The following ZFYVE28 variants were observed in gnomAD, a reference collection of about 807,000 sequenced individuals.
ZFYVE28 encodes the protein zinc finger FYVE-type containing 28.
A neutral mutation model predicts 82.1 loss-of-function variants in ZFYVE28; 40 were observed. That is an observed-to-expected ratio of 0.49 (90% CI 0.38 to 0.63). The LOEUF (loss-of-function observed/expected upper bound fraction) is 0.63, where lower values mean the gene tolerates loss of function less well. ZFYVE28 is among the 30% of genes least tolerant of loss of function. The pLI is 0.00. For synonymous variants in ZFYVE28, 612 were observed against 546.1 expected (o/e 1.12, Z -1.68); for missense variants, 1,321 against 1,242.1 (o/e 1.06, Z -0.96).
At chr4:2,352,057 C>T (rs1411119352) in intron 2 of ZFYVE28, among the ~76,000 whole-genome samples, 1 of 152,198 alleles carries the variant, frequency 6.6e-6, no homozygotes, top group Non-Finnish European at 1.5e-5. Context: ...GGAACTTGCA[C>T]AGCCCTCCAT....
chr4:2,404,857 C>CT (rs11404626), intron 1 of ZFYVE28, among the ~76,000 whole-genome samples: 69,661 of 109,954 alleles, frequency 0.63, 22,892 homozygotes, highest in East Asian at 0.83. Context: ...CAGTCTCGCT[C>CT]TTTTTTTTTT....
Position 2,335,568 on chromosome 4 carries a change from C to T in ZFYVE28, c.701+137G>A. The T allele has an allele frequency of 1.3e-6, 1 of 766,570 alleles. No individual in the cohort carries two copies. The highest frequency in any genetic ancestry group is 2.1e-6 in the Non-Finnish European group (1 of 467,560). 47.5% of individuals were successfully genotyped at this position (766,570 alleles called of 1,614,324 possible). A position where few individuals can be genotyped will look rare whatever the true frequency, so the allele number is the denominator to read the frequency against. ...TGCTGAGGGCTGACAGCAGGCCTGC[C>T]TGTCACTGATCGGGACAGCTGAGCG... On this transcript the variant is annotated intron_variant, in intron 6 of 12. Transcript: ENST00000290974. The surrounding 1 kb of genome is among the most constrained non-coding windows in gnomAD (Gnocchi z 5.8).
chr4:2,303,126 C>T (rs1035699997), intron 8 of ZFYVE28, among the ~76,000 whole-genome samples: 2 of 152,110 alleles, frequency 1.3e-5, no homozygotes, highest in Admixed American at 1.3e-4. Flanking sequence ...CCCAGCCCAC[C>T]CAGCCCGCAG....
Position 2,272,368 on chromosome 4 carries a change from G to A in ZFYVE28, c.2324-589C>T, listed in dbSNP as rs140475399. Among the ~76,000 whole-genome samples, 3 of 152,306 alleles carry A rather than the reference G, an allele frequency of 2.0e-5. No homozygotes were observed. The East Asian group carries it at 5.8e-4, about 29-fold the overall frequency. On this transcript the variant is annotated intron_variant, in intron 10 of 12. Coordinates refer to ENST00000290974, the MANE Select transcript of ZFYVE28 (RefSeq NM_020972.3). The stretch of plus-strand genomic sequence containing the variant: ...GAACAAGTGCCTCAGCTCAGCACCA[G>A]AGCACCAGGGGTGGCGAGTAGGGGC...
rs1426343631 is a variant in ZFYVE28 at position 2,354,067 on chromosome 4, C to T, written c.46G>A (p.Asp16Asn). Residue 16 changes from aspartate (D) to asparagine (N), a missense_variant, in exon 2 of 13, where the codon GAT becomes AAT. Transcript: ENST00000290974. ...RKWLYKPKRSDPQLLARFYYA... is the reference protein window; with the variant it reads ...RKWLYKPKRSNPQLLARFYYA... ...TAGAACCGGGCAAGCAGCTGCGGAT[C>T]CGACCTCTGCAGGAGAGAGGGGCCA... The T allele has an allele frequency of 6.4e-7, 1 of 1,559,616 alleles. No individual in the cohort carries two copies. Among genetic ancestry groups the T allele is most frequent in the Non-Finnish European group, 8.7e-7 (1 of 1,152,470 alleles).
chr4:2,285,254 C>G (rs1185762491), intron 8 of ZFYVE28: 1 of 152,296 alleles, frequency 6.6e-6, no homozygotes, highest in East Asian at 1.9e-4. Flanking sequence ...CCTTATGGCC[C>G]CAGAAGGAAC....
Position 2,354,001 on chromosome 4 carries a change from C to A in ZFYVE28, c.112G>T (p.Asp38Tyr), listed in dbSNP as rs961784345. 6.3e-7 allele frequency: 1 copy of A among 1,584,162 alleles called. No homozygotes were observed. Among genetic ancestry groups the A allele is most frequent in the African/African-American group, 1.4e-5 (1 of 73,586 alleles). The change falls in exon 2 of 13, where the codon GAC becomes TAC. Residue 38 changes from aspartate (D) to tyrosine (Y), a missense_variant. Physicochemically the swap from Asp to Tyr is radical, Grantham distance 160. Around this residue, in one of 2 missense-constraint regions of ZFYVE28, gnomAD observed 343 missense variants for 408.4 expected, o/e 0.84. Transcript: ENST00000290974. Reference protein sequence around the residue: ...EELNQVAAELDSLDGRKDPQR... With the variant: ...EELNQVAAELYSLDGRKDPQR... ...GGGTCCTTCCGCCCATCCAGGCTGT[C>A]CAGCTCCGCGGCCACCTGGTTCAGC...
At position 2,332,996 on chromosome 4, in the gene ZFYVE28, GC is replaced by G. The variant is rs533709275; in HGVS notation, c.701+2708del. On this transcript the variant is annotated intron_variant, in intron 6 of 12. Transcript: ENST00000290974. The surrounding 1 kb of genome is among the most constrained non-coding windows in gnomAD (Gnocchi z 4.7). ...TGGCTTTGGGCTCTTATGCCCTCTC[GC>G]CCTTCCTCCCTCCTTCAATCCAAGC... Among the ~76,000 whole-genome samples the G allele has an allele frequency of 1.6e-4, 25 of 151,952 alleles. 1 individual carries two copies. In the South Asian group the frequency reaches 4.8e-3, roughly 29 times the overall value.
rs1303562682 is a variant in ZFYVE28, at chr4:2,339,840, C to T, written c.319-185G>A. 6.6e-6 allele frequency among the ~76,000 whole-genome samples: 1 copy of T among 151,872 alleles called. No homozygotes were observed. Among genetic ancestry groups the T allele is most frequent in the Non-Finnish European group, 1.5e-5 (1 of 67,950 alleles). On this transcript the variant is annotated intron_variant, in intron 3 of 12. Coordinates refer to ENST00000290974, the MANE Select transcript of ZFYVE28 (RefSeq NM_020972.3). The surrounding 1 kb of genome is among the most constrained non-coding windows in gnomAD (Gnocchi z 5.0). ...TTCAGAGCAATCGTGAGGGCGATAA[C>T]CGATGTCCCCCAATGTGACCCACGG...
chr4:2,278,526 T>C (rs941455451), intron 8 of ZFYVE28, among the ~76,000 whole-genome samples: 4 of 152,092 alleles, frequency 2.6e-5, no homozygotes, highest in African/African-American at 9.7e-5. Context: ...TAAATCTTTG[T>C]GGCGTTAGGC....
chr4:2,375,869 G>A (rs540050539), intron 1 of ZFYVE28, among the ~76,000 whole-genome samples: 16 of 132,920 alleles, frequency 1.2e-4, no homozygotes, highest in Admixed American at 2.5e-4. Context: ...CAATATTCTG[G>A]TCAAATAATT....
In ZFYVE28 at chr4:2,418,574, G is replaced by T. The variant is rs1321035005; in HGVS notation, c.-251C>A. On this transcript the variant is annotated 5_prime_UTR_variant, in exon 1 of 13. Coordinates refer to ENST00000290974, the MANE Select transcript of ZFYVE28 (RefSeq NM_020972.3). The surrounding 1 kb of genome is among the most constrained non-coding windows in gnomAD (Gnocchi z 4.6). ...CAGACCCGGGAGTGGGCGCTCGGGCGCACGGACAGACGCGGGCACGGGGGC... is the reference window on the plus strand; with the variant it reads ...CAGACCCGGGAGTGGGCGCTCGGGCTCACGGACAGACGCGGGCACGGGGGC... 12 of 157,552 alleles carry T rather than the reference G, an allele frequency of 7.6e-5. No homozygotes were observed. The highest frequency in any genetic ancestry group is 3.7e-4 in the East Asian group (2 of 5,380). The allele number at this position is 157,552 out of a possible 1,614,324, so 9.8% of individuals were successfully genotyped here.
chr4:2,417,381 G>C lies in ZFYVE28; in HGVS notation c.39+904C>G, dbSNP rs932240751. Among the ~76,000 whole-genome samples, 4 of 151,434 alleles carry C rather than the reference G, an allele frequency of 2.6e-5. No homozygotes were observed. In the East Asian group the frequency reaches 5.8e-4, roughly 22 times the overall value. On this transcript the variant is annotated intron_variant, in intron 1 of 12. Coordinates refer to ENST00000290974, the MANE Select transcript of ZFYVE28 (RefSeq NM_020972.3). This position sits in a 1 kb window ranked among gnomAD's most constrained non-coding sequence, Gnocchi z 4.8. ...GCCCTGCTCCGGCTGCAGCGGGCAC[G>C]AGCCCCAGGCGGGCGGCGGGGACGC...
chr4:2,286,836 ATGTGACCCCCAAAATGTGAATCTGCGAC>A (rs1712820047), intron 8 of ZFYVE28: 1 of 152,234 alleles, frequency 6.6e-6, no homozygotes, highest in South Asian at 2.1e-4. Flanking sequence ...GGTGGGCTGA[ATGTGACCCCCAAAATGTGAATCTGCGAC>A]TGTGACCTTT....
rs1472458100 is a variant in ZFYVE28, at chr4:2,409,286, G to A, written c.39+8999C>T. Among the ~76,000 whole-genome samples the A allele has an allele frequency of 3.5e-5, 5 of 142,882 alleles. No homozygotes were observed. The highest frequency in any genetic ancestry group is 7.3e-5 in the Admixed American group (1 of 13,740). The allele number at this position is 142,882 out of a possible 152,430, so 93.7% of individuals were successfully genotyped here. On this transcript the variant is annotated intron_variant, in intron 1 of 12. Coordinates refer to ENST00000290974, the MANE Select transcript of ZFYVE28 (RefSeq NM_020972.3). This position sits in a 1 kb window ranked among gnomAD's most constrained non-coding sequence, Gnocchi z 4.4. ...CCATCTACTTTCTCCATCCAGAGTC[G>A]CCTGCTGCCATCCTCTCGCTGGAAT...
At chr4:2,310,810 A>T (rs1408218571) in intron 7 of ZFYVE28, among the ~76,000 whole-genome samples, 1 of 152,236 alleles carries the variant, frequency 6.6e-6, no homozygotes, top group Non-Finnish European at 1.5e-5. Flanking sequence ...TTCAATAATT[A>T]TAAAAAAAGT....
chr4:2,360,640 C>T (rs1183042729), intron 1 of ZFYVE28, among the ~76,000 whole-genome samples: 1 of 152,146 alleles, frequency 6.6e-6, no homozygotes. Flanking sequence ...CACCTTCAGG[C>T]AGGGGTCCCA....
chr4:2,410,992 A>C (rs1178397872), intron 1 of ZFYVE28, among the ~76,000 whole-genome samples: 1 of 152,252 alleles, frequency 6.6e-6, no homozygotes, highest in East Asian at 1.9e-4. Context: ...TATCCCTAAA[A>C]ATAATTGGAA....
intron 7 of ZFYVE28, among the ~76,000 whole-genome samples, chr4:2,314,955 T>A (rs1291690397): frequency 6.6e-6 from 1 of 152,174 alleles, no homozygotes; most frequent in Non-Finnish European, 1.5e-5. Flanking sequence ...TTTTTCTTTT[T>A]TTTAACTAGA....
Sources: allele counts gnomAD v4.1 joint callset (sites outside exome capture counted in the v4.1 genomes callset), GRCh38; gene constraint gnomAD v4.1.1; regional missense constraint gnomAD v4.1.1; non-coding constraint Gnocchi (gnomAD v3.1); transcripts MANE v1.5; gene names NCBI Gene and HGNC (gene_info 2026-07-23, HGNC 2026-07-21).